Variants in PPP2R2B observed in about 807,000 individuals in gnomAD.
PPP2R2B encodes the protein protein phosphatase 2 regulatory subunit Bbeta, also known as serine/threonine-protein phosphatase 2A 55 kDa regulatory subunit B beta isoform.
A neutral mutation model predicts 46.0 loss-of-function variants in PPP2R2B; 5 were observed. That is an observed-to-expected ratio of 0.11 (90% CI 0.06 to 0.23). The LOEUF (loss-of-function observed/expected upper bound fraction) is 0.23. Among genes scored for constraint, PPP2R2B ranks in the 10% least tolerant of loss-of-function variants. The pLI is 1.00. For missense variants in PPP2R2B, 367 were observed against 575.0 expected (o/e 0.64, Z 3.70); for synonymous variants, 215 against 206.7 (o/e 1.04, Z -0.34).
chr5:146,833,523 AC>A (rs1759085004), intron 2 of PPP2R2B, among the ~76,000 whole-genome samples: 1 of 152,184 alleles, frequency 6.6e-6, no homozygotes, highest in African/African-American at 2.4e-5. Context: ...CCTTGACTTT[AC>A]TTTCAATGTG....
At chr5:147,001,799 C>G (rs1184615579) in intron 1 of PPP2R2B, among the ~76,000 whole-genome samples, 1 of 152,158 alleles carries the variant, frequency 6.6e-6, no homozygotes, top group Non-Finnish European at 1.5e-5. Flanking sequence ...ACGCGGGTGC[C>G]AGGCTTTCTG....
intron 2 of PPP2R2B, among the ~76,000 whole-genome samples, chr5:146,808,714 A>G (rs1561923699): frequency 6.6e-6 from 1 of 152,158 alleles, no homozygotes; most frequent in Non-Finnish European, 1.5e-5. Context: ...AGAAAGTCCA[A>G]TCAGGCAAGT....
chr5:146,992,537 G>A (rs1315927765), intron 1 of PPP2R2B, among the ~76,000 whole-genome samples: 5 of 152,224 alleles, frequency 3.3e-5, no homozygotes, highest in Admixed American at 3.3e-4. Context: ...GGGTGGTAGC[G>A]ACAGTTCTGA....
chr5:146,701,761 A>C (rs1336042737), intron 2 of PPP2R2B, among the ~76,000 whole-genome samples: 2 of 152,200 alleles, frequency 1.3e-5, no homozygotes, highest in Non-Finnish European at 2.9e-5. Context: ...CCCCAGGAGA[A>C]GGGTGCTGAG....
intron 2 of PPP2R2B, among the ~76,000 whole-genome samples, chr5:147,068,706 T>C (rs1757485417): frequency 6.6e-6 from 1 of 152,228 alleles, no homozygotes; most frequent in Non-Finnish European, 1.5e-5. Flanking sequence ...AAAAGGAATA[T>C]ACATTCTGAA....
intron 5 of PPP2R2B, among the ~76,000 whole-genome samples, chr5:146,661,289 C>T (rs1209619881): frequency 6.6e-6 from 1 of 152,092 alleles, no homozygotes; most frequent in Non-Finnish European, 1.5e-5. Flanking sequence ...AGTTCCAAGG[C>T]TGAAAAACCC....
chr5:146,750,821 A>C (rs1356151191), intron 2 of PPP2R2B, among the ~76,000 whole-genome samples: 1 of 152,184 alleles, frequency 6.6e-6, no homozygotes, highest in South Asian at 2.1e-4. Context: ...GAATTAACAT[A>C]AAATAAAACA....
At chr5:147,029,602 C>A (rs192104347) in intron 1 of PPP2R2B, among the ~76,000 whole-genome samples, 1 of 152,194 alleles carries the variant, frequency 6.6e-6, no homozygotes, top group East Asian at 1.9e-4. Context: ...TATATTAAAA[C>A]CCTAACCTCC....
chr5:146,910,098 T>G (rs1763127250), intron 1 of PPP2R2B, among the ~76,000 whole-genome samples: 1 of 152,348 alleles, frequency 6.6e-6, no homozygotes. Context: ...ATTCTACAAC[T>G]TATCAGTTTT....
At chr5:146,622,497 A>G (rs1311614072) in intron 7 of PPP2R2B, among the ~76,000 whole-genome samples, 1 of 152,182 alleles carries the variant, frequency 6.6e-6, no homozygotes, top group Non-Finnish European at 1.5e-5. Flanking sequence ...TTCTATCTTC[A>G]TTAAAGCCAA....
intron 7 of PPP2R2B, among the ~76,000 whole-genome samples, chr5:146,624,847 C>T (rs1305846481): frequency 6.6e-6 from 1 of 152,216 alleles, no homozygotes; most frequent in Non-Finnish European, 1.5e-5. Context: ...TGGTACTGTA[C>T]ACAGCCCAGC....
Position 146,878,499 on chromosome 5 carries a change from TC to T in PPP2R2B, c.-125+91del. 1.5e-6 allele frequency: 2 copies of T among 1,301,120 alleles called. No homozygotes were observed. Among genetic ancestry groups the T allele is most frequent in the Non-Finnish European group, 2.0e-6 (2 of 1,015,376 alleles). The allele number at this position is 1,301,120 out of a possible 1,614,324, so 80.6% of individuals were successfully genotyped here. A position where few individuals can be genotyped will look rare whatever the true frequency, so the allele number is the denominator to read the frequency against. ...TCCAAAATGCAAAAAAGATCCCTCC[TC>T]CCCCTGGGAGAGCGGGCAGCCGCGA... On this transcript the variant is annotated intron_variant, in intron 1 of 9. Coordinates refer to ENST00000394411, the MANE Select transcript of PPP2R2B (RefSeq NM_181675.4). The surrounding 1 kb of genome is among the most constrained non-coding windows in gnomAD (Gnocchi z 4.5).
At chr5:146,968,986 A>G (rs1752552980) in intron 1 of PPP2R2B, among the ~76,000 whole-genome samples, 1 of 152,272 alleles carries the variant, frequency 6.6e-6, no homozygotes, top group Non-Finnish European at 1.5e-5. Flanking sequence ...ACCAGTTCAA[A>G]ACAATTCAGG....
At chr5:147,042,179 T>C (rs1756344463) in intron 1 of PPP2R2B, among the ~76,000 whole-genome samples, 1 of 152,164 alleles carries the variant, frequency 6.6e-6, no homozygotes, top group African/African-American at 2.4e-5. Context: ...TTTATCCTTT[T>C]AACTTTTTGC....
chr5:146,734,514 C>A (rs967018637), intron 2 of PPP2R2B, among the ~76,000 whole-genome samples: 1 of 152,138 alleles, frequency 6.6e-6, no homozygotes, highest in African/African-American at 2.4e-5. Flanking sequence ...GGTTCAAGAA[C>A]TAGAATTCAC....
intron 2 of PPP2R2B, among the ~76,000 whole-genome samples, chr5:146,867,407 G>T (rs943671737): frequency 1.3e-5 from 2 of 152,158 alleles, no homozygotes; most frequent in African/African-American, 2.4e-5. Context: ...AATTTAAATG[G>T]TATGTTATTT....
chr5:146,932,472 G>A (rs1420748032), intron 1 of PPP2R2B, among the ~76,000 whole-genome samples: 1 of 152,048 alleles, frequency 6.6e-6, no homozygotes, highest in African/African-American at 2.4e-5. Flanking sequence ...GTTTTAAAAG[G>A]AGCTTTTCCC....
intron 1 of PPP2R2B, among the ~76,000 whole-genome samples, chr5:146,941,390 C>T (rs527412582): frequency 6.2e-4 from 95 of 152,176 alleles, no homozygotes; most frequent in African/African-American, 1.7e-3. Context: ...TATGACAAAC[C>T]GGCCTGAAAT....
At chr5:146,846,460 A>G (rs1308947717) in intron 2 of PPP2R2B, among the ~76,000 whole-genome samples, 5 of 152,046 alleles carry the variant, frequency 3.3e-5, no homozygotes, top group Non-Finnish European at 7.4e-5. Context: ...CGGGTGGATC[A>G]TGAGGTCAGG....
Sources: allele counts gnomAD v4.1 joint callset (sites outside exome capture counted in the v4.1 genomes callset), GRCh38; gene constraint gnomAD v4.1.1; non-coding constraint Gnocchi (gnomAD v3.1); transcripts MANE v1.5; gene names NCBI Gene and HGNC (gene_info 2026-07-23, HGNC 2026-07-21).